IDI1: variants seen among roughly 807,000 people sequenced by gnomAD.
The protein encoded by IDI1 is isopentenyl-diphosphate delta isomerase 1, also known as isopentenyl-diphosphate Delta-isomerase 1.
Under a neutral mutation model 32.9 loss-of-function variants are expected in IDI1, and 23 were observed. The observed-to-expected ratio is 0.70, with a 90% CI of 0.50 to 0.99. The LOEUF (loss-of-function observed/expected upper bound fraction) is 0.99, where lower values mean the gene tolerates loss of function less well. Ranked by LOEUF, IDI1 falls within the 50% of genes least tolerant of loss-of-function variation. The pLI, the probability that IDI1 is intolerant of heterozygous loss-of-function variation, is 0.00. For missense variants in IDI1, 326 were observed against 351.9 expected (o/e 0.93, Z 0.59); for synonymous variants, 133 against 128.2 (o/e 1.04, Z -0.25).
In IDI1 at chr10:1,049,113, G is replaced by A. The variant is rs1036082886; in HGVS notation, c.-110C>T. The A allele has an allele frequency of 3.6e-6, 5 of 1,400,500 alleles. No homozygotes were observed. The highest frequency in any genetic ancestry group is 1.5e-5 in the South Asian group (1 of 64,886). The allele number at this position is 1,400,500 out of a possible 1,614,324, so 86.8% of individuals were successfully genotyped here. ...CAACGGCAGACGCGCGAAGCACCGG[G>A]AACCTGAGCCGTGACCGCGGGCTCT... On this transcript the variant is annotated 5_prime_UTR_variant, in exon 1 of 5. Transcript: ENST00000381344.
chr10:1,049,952 C>T (rs1832953917), upstream of IDI1, among the ~76,000 whole-genome samples: 1 of 152,120 alleles, frequency 6.6e-6, no homozygotes, highest in African/African-American at 2.4e-5. Flanking sequence ...CGCGCCTAGC[C>T]CTCTAAACTT....
At chr10:1,055,595 A>G in the IDI1 span, among the ~76,000 whole-genome samples, 44 of 152,100 alleles carry the variant, frequency 2.9e-4, no homozygotes, top group Non-Finnish European at 5.7e-4. Context: ...ACAACCTCTA[A>G]AAGTTTAAAA....
the IDI1 span, among the ~76,000 whole-genome samples, chr10:1,055,705 A>C: frequency 7.7e-6 from 1 of 129,436 alleles, no homozygotes; most frequent in African/African-American, 2.7e-5. Context: ...ATGCAGAAAT[A>C]ACTTCACTTC....
chr10:1,055,858 G>C, the IDI1 span, among the ~76,000 whole-genome samples: 2 of 152,192 alleles, frequency 1.3e-5, no homozygotes, highest in African/African-American at 4.8e-5. Flanking sequence ...TCCCAGGCTG[G>C]AGTGCAGAGG....
the IDI1 span, chr10:1,056,629 A>G: frequency 6.6e-6 from 1 of 152,188 alleles, no homozygotes; most frequent in African/African-American, 2.4e-5. Flanking sequence ...TACGTGACCA[A>G]GGGTGGGGGC....
rs1258410696 is a variant in IDI1, at chr10:1,040,744, T to G, written c.*443A>C. 1 of 157,112 alleles carries G rather than the reference T, an allele frequency of 6.4e-6. No individual in the cohort carries two copies. Among genetic ancestry groups the G allele is most frequent in the African/African-American group, 2.4e-5 (1 of 41,476 alleles). The allele number at this position is 157,112 out of a possible 1,614,324, so 9.7% of individuals were successfully genotyped here. ...CTGTTTTGAAGGAGCGAGACAATAGTTTCCTTTGCACATTTTTCTGAACTA... is the reference window on the plus strand; with the variant it reads ...CTGTTTTGAAGGAGCGAGACAATAGGTTCCTTTGCACATTTTTCTGAACTA... On this transcript the variant is annotated 3_prime_UTR_variant, in exon 5 of 5. Coordinates refer to ENST00000381344, the MANE Select transcript of IDI1 (RefSeq NM_004508.4).
upstream of IDI1, chr10:1,049,472 TC>T (rs72449284): frequency 0.44 from 49,674 of 111,950 alleles, 8,798 homozygotes; most frequent in Middle Eastern, 0.55. Context: ...CTCCCCCCCC[TC>T]CCCCCCCCCG....
intron 1 of IDI1, 111 bp downstream of exon 1, chr10:1,048,753 G>C: frequency 6.7e-7 from 1 of 1,489,750 alleles, no homozygotes; most frequent in South Asian, 1.3e-5. Flanking sequence ...AGGCCTCCGC[G>C]CCGAGACCTC....
chr10:1,053,657 T>C (rs1833070344), upstream of IDI1, among the ~76,000 whole-genome samples: 1 of 152,208 alleles, frequency 6.6e-6, no homozygotes, highest in Non-Finnish European at 1.5e-5. Flanking sequence ...TCATTTCTAG[T>C]TTTGATTTAA....
At chr10:1,050,484 A>G (rs533104816), upstream of IDI1, among the ~76,000 whole-genome samples, 8 of 151,088 alleles carry the variant, frequency 5.3e-5, no homozygotes, top group East Asian at 5.8e-4. Flanking sequence ...CTGGCCAAGG[A>G]AAAAAAAAAT....
chr10:1,050,722 T>G (rs1042712780), upstream of IDI1, among the ~76,000 whole-genome samples: 3 of 152,174 alleles, frequency 2.0e-5, no homozygotes, highest in Admixed American at 6.5e-5. Context: ...ACACTCAGAC[T>G]GGGACAGTGA....
chr10:1,048,429 C>T (rs1832868557), intron 1 of IDI1: 2 of 1,290,666 alleles, frequency 1.5e-6, no homozygotes, highest in Admixed American at 2.4e-5. Context: ...GCGTCACACG[C>T]GTGGACTCGG....
chr10:1,041,589 A>G (rs1291329276), intron 4 of IDI1, 85 bp from the exon 5 acceptor site: 1 of 678,182 alleles, frequency 1.5e-6, no homozygotes, highest in Non-Finnish European at 2.4e-6. Context: ...TATTACAGCG[A>G]TATCTCGAAC....
chr10:1,043,734 G>A, intron 2 of IDI1: 1 of 656,450 alleles, frequency 1.5e-6, no homozygotes, highest in Non-Finnish European at 2.8e-6. Context: ...AGGCTAGGCT[G>A]CTGCTGTATG....
chr10:1,048,085 G>C (rs1032101729), intron 1 of IDI1, among the ~76,000 whole-genome samples: 3 of 152,054 alleles, frequency 2.0e-5, no homozygotes, highest in Non-Finnish European at 4.4e-5. Context: ...GCAGTGGCGC[G>C]ATCTCGGCTC....
chr10:1,054,340 G>A, the IDI1 span, among the ~76,000 whole-genome samples: 10 of 152,296 alleles, frequency 6.6e-5, no homozygotes, highest in East Asian at 1.9e-3. Context: ...TTTAGGAAGC[G>A]ACATGTCAAA....
chr10:1,054,676 T>G, the IDI1 span, among the ~76,000 whole-genome samples: 340 of 152,358 alleles, frequency 2.2e-3, no homozygotes, highest in Non-Finnish European at 3.7e-3. Flanking sequence ...TTAAAAAAAT[T>G]ACATTGGATA....
At chr10:1,053,428 T>G (rs1833064259), upstream of IDI1, among the ~76,000 whole-genome samples, 1 of 152,222 alleles carries the variant, frequency 6.6e-6, no homozygotes, top group African/African-American at 2.4e-5. Context: ...CTGAAGAGAG[T>G]TAGGGCCTTA....
chr10:1,055,571 G>A, the IDI1 span, among the ~76,000 whole-genome samples: 1 of 152,082 alleles, frequency 6.6e-6, no homozygotes, highest in Admixed American at 6.5e-5. Flanking sequence ...ATAAAATTAT[G>A]TTACTTAAAT....
Sources: allele counts gnomAD v4.1 joint callset (sites outside exome capture counted in the v4.1 genomes callset), GRCh38; gene constraint gnomAD v4.1.1; transcripts MANE v1.5; gene names NCBI Gene and HGNC (gene_info 2026-07-23, HGNC 2026-07-21).